The following MYH11 variants were observed in gnomAD, a reference collection of about 807,000 sequenced individuals.
MYH11 encodes myosin heavy chain 11.
A neutral mutation model predicts 246.6 loss-of-function variants in MYH11; 80 were observed. That is an observed-to-expected ratio of 0.32 (90% confidence interval 0.27 to 0.39). The LOEUF (loss-of-function observed/expected upper bound fraction) is 0.39, where lower values mean the gene tolerates loss of function less well. Ranked by LOEUF, MYH11 falls within the 10% of genes least tolerant of loss-of-function variation. The pLI, the probability that MYH11 is intolerant of heterozygous loss-of-function variation, is 1.00. For synonymous variants in MYH11, 1,071 were observed against 1,015.5 expected (o/e 1.05, Z -1.04); for missense variants, 2,158 against 2,546.8 (o/e 0.85, Z 3.29).
chr16:15,767,993 G>T (rs777159483), intron 9 of MYH11, among the ~76,000 whole-genome samples: 7 of 151,746 alleles, frequency 4.6e-5, no homozygotes, highest in Non-Finnish European at 7.4e-5. Flanking sequence ...GCTCAGGCTG[G>T]TCTTGAACTC....
At chr16:15,852,334 C>CTT (rs4006745) in intron 1 of MYH11, among the ~76,000 whole-genome samples, 78,345 of 128,876 alleles carry the variant, frequency 0.61, 24,899 homozygotes, top group Admixed American at 0.68. Flanking sequence ...TTTGCAATGC[C>CTT]TTTTTTTTTT....
Position 15,741,496 on chromosome 16 carries a change from C to T in MYH11, c.2826G>A (p.Gln942=), listed in dbSNP as rs766849939. The T allele has an allele frequency of 6.2e-7, 1 of 1,609,074 alleles. No homozygotes were observed. Among genetic ancestry groups the T allele is most frequent in the Admixed American group, 1.7e-5 (1 of 60,012 alleles). ...GCTGGGCCATCTTCTTCCTTTCAGC[C>T]TGTAGCTGCTGGCCCCTGTCTTCCT... ...EEEEDRGQQL[Q]AERKKMAQQM... The change falls in exon 22 of 41, where the codon CAG becomes CAA. Residue 942 remains glutamine (Q), a synonymous_variant. Transcript: ENST00000300036.
intron 4 of MYH11, among the ~76,000 whole-genome samples, chr16:15,794,797 G>C (rs1268325180): frequency 1.3e-5 from 2 of 152,214 alleles, no homozygotes; most frequent in Non-Finnish European, 2.9e-5. Flanking sequence ...AGAGGTCCAA[G>C]GGAGGGAAAT....
Position 15,788,077 on chromosome 16 carries a change from C to CTTTT in MYH11, c.531-1349_531-1346dup, listed in dbSNP as rs1555569336. ...GTCCTCCTGGAATATGAAGGTAGAT[C>CTTTT]TTTTTTTTTTTTTTTTTTACCAAGA... On this transcript the variant is annotated intron_variant, in intron 4 of 40. Coordinates refer to ENST00000300036, the MANE Select transcript of MYH11 (RefSeq NM_002474.3). Among the ~76,000 whole-genome samples, 102 of 55,368 alleles carry CTTTT rather than the reference C, an allele frequency of 1.8e-3. 21 individuals are homozygous for CTTTT. Among genetic ancestry groups the CTTTT allele is most frequent in the African/African-American group, 6.3e-3 (102 of 16,178 alleles). The allele number at this position is 55,368 out of a possible 152,430, so 36.3% of individuals were successfully genotyped here.
chr16:15,767,322 A>G (rs1317171457), intron 9 of MYH11, among the ~76,000 whole-genome samples: 1 of 152,194 alleles, frequency 6.6e-6, no homozygotes, highest in African/African-American at 2.4e-5. Context: ...TGGTAACAGT[A>G]GTACCTGCTT....
At chr16:15,852,545 G>A (rs1289648722) in intron 1 of MYH11, among the ~76,000 whole-genome samples, 1 of 151,816 alleles carries the variant, frequency 6.6e-6, no homozygotes, top group African/African-American at 2.4e-5. Context: ...GACCATGTTG[G>A]CCAGGCTGGT....
chr16:15,820,990 A>T (rs2151356614), intron 3 of MYH11, among the ~76,000 whole-genome samples: 1 of 152,274 alleles, frequency 6.6e-6, no homozygotes, highest in Non-Finnish European at 1.5e-5. Context: ...CTCCCACCTC[A>T]GCCTCCCAAG....
At chr16:15,736,508 G>A (rs1409712118) in intron 25 of MYH11, among the ~76,000 whole-genome samples, 1 of 152,094 alleles carries the variant, frequency 6.6e-6, no homozygotes, top group East Asian at 1.9e-4. Flanking sequence ...CAAACTGCTG[G>A]CCTCAAGCAA....
At chr16:15,746,065 T>C (rs1337046977) in intron 19 of MYH11, among the ~76,000 whole-genome samples, 1 of 150,476 alleles carries the variant, frequency 6.6e-6, no homozygotes, top group Non-Finnish European at 1.5e-5. Flanking sequence ...TACGGGCACA[T>C]GCTACCATGC....
At chr16:15,712,799 C>T (rs1678720791) in intron 40 of MYH11, 1 of 137,006 alleles carries the variant, frequency 7.3e-6, no homozygotes, top group South Asian at 2.3e-4. Flanking sequence ...GTCAGGGGAC[C>T]TCTGGCCATT....
chr16:15,710,410 A>G (rs1026542420), intron 40 of MYH11, among the ~76,000 whole-genome samples: 34 of 152,172 alleles, frequency 2.2e-4, no homozygotes, highest in African/African-American at 7.5e-4. Flanking sequence ...AATCTCAGCT[A>G]CTTGGGAGGC....
chr16:15,800,091 G>T (rs1235579846), intron 3 of MYH11, among the ~76,000 whole-genome samples: 1 of 151,734 alleles, frequency 6.6e-6, no homozygotes, highest in Non-Finnish European at 1.5e-5. Context: ...TAGGTGAGTA[G>T]GTGGGTGGGT....
At chr16:15,831,422 A>C (rs895730347) in intron 2 of MYH11, among the ~76,000 whole-genome samples, 1 of 152,052 alleles carries the variant, frequency 6.6e-6, no homozygotes, top group South Asian at 2.1e-4. Context: ...AAAAAAAATC[A>C]TACTGCAAAA....
intron 22 of MYH11, 135 bp downstream of exon 22, chr16:15,741,328 T>C: frequency 3.9e-6 from 4 of 1,014,534 alleles, no homozygotes; most frequent in Non-Finnish European, 3.1e-6. Context: ...CTTGATCAGA[T>C]GACCAACCCT....
At chr16:15,770,770 C>T (rs757905779) in intron 9 of MYH11, among the ~76,000 whole-genome samples, 7 of 152,100 alleles carry the variant, frequency 4.6e-5, no homozygotes, top group African/African-American at 7.2e-5. Flanking sequence ...CTAAGCCAAC[C>T]AATCAGAGTC....
At chr16:15,776,536 A>G (rs2042225327) in intron 7 of MYH11, among the ~76,000 whole-genome samples, 1 of 152,230 alleles carries the variant, frequency 6.6e-6, no homozygotes, top group Non-Finnish European at 1.5e-5. Flanking sequence ...CTATGATCCT[A>G]TGATTTATGA....
chr16:15,721,316 A>G (rs1423154324), intron 32 of MYH11, 106 bp downstream of exon 32: 5 of 1,295,678 alleles, frequency 3.9e-6, no homozygotes, highest in Middle Eastern at 2.3e-4. Context: ...TTCCGATGAT[A>G]GTTCGCTATG....
intron 6 of MYH11, 143 bp downstream of exon 6, chr16:15,782,235 AGAGGCAG>A (rs2042372293): frequency 1.4e-6 from 1 of 701,644 alleles, no homozygotes; most frequent in Non-Finnish European, 2.6e-6. Context: ...TGAGAGAGTG[AGAGGCAG>A]GAGCCCTTGC....
intron 4 of MYH11, among the ~76,000 whole-genome samples, chr16:15,789,408 C>A (rs2042556831): frequency 6.6e-6 from 1 of 152,126 alleles, no homozygotes; most frequent in Non-Finnish European, 1.5e-5. Flanking sequence ...ATCCCCATCA[C>A]CCATCCGGGG....
Sources: allele counts gnomAD v4.1 joint callset (sites outside exome capture counted in the v4.1 genomes callset), GRCh38; gene constraint gnomAD v4.1.1; transcripts MANE v1.5; gene names NCBI Gene and HGNC (gene_info 2026-07-23, HGNC 2026-07-21).